MTHFD2L: variants seen among roughly 807,000 people sequenced by gnomAD.
The protein encoded by MTHFD2L is methylenetetrahydrofolate dehydrogenase (NADP+ dependent) 2 like.
Under a neutral mutation model 34.9 loss-of-function variants are expected in MTHFD2L, and 29 were observed. That is an observed-to-expected ratio of 0.83 (90% CI 0.62 to 1.13). MTHFD2L has a LOEUF of 1.13. Among genes scored for constraint, MTHFD2L ranks in the 50% most tolerant of loss-of-function variants. MTHFD2L has a pLI of 0.00. For missense variants in MTHFD2L, 481 were observed against 446.5 expected, an observed-to-expected ratio of 1.08 and a Z score of -0.70; for synonymous variants, 167 against 155.7, an observed-to-expected ratio of 1.07 and a Z score of -0.54.
intron 6 of MTHFD2L, among the ~76,000 whole-genome samples, chr4:74,260,322 A>G (rs1258934999): frequency 6.6e-6 from 1 of 152,120 alleles, no homozygotes; most frequent in Non-Finnish European, 1.5e-5. Context: ...TCCTCCCTGT[A>G]TCCACTCTCA....
chr4:74,160,819 C>T lies in MTHFD2L; in HGVS notation c.143+2538C>T, dbSNP rs141780994. ...TCAGTGTGAGGAGTCTGATAGCAGC[C>T]CATCCCATTTGGGTGGGAAGGTTAT... On this transcript the variant is annotated intron_variant, in intron 1 of 7. Transcript: ENST00000325278. 1.1e-3 allele frequency: 173 copies of T among 152,280 alleles called. 2 individuals are homozygous for T. Among genetic ancestry groups the T allele is most frequent in the African/African-American group, 4.0e-3 (165 of 41,550 alleles). 9.4% of individuals were successfully genotyped at this position (152,280 alleles called of 1,614,324 possible). A position where few individuals can be genotyped will look rare whatever the true frequency, so the allele number is the denominator to read the frequency against.
intron 1 of MTHFD2L, chr4:74,143,455 A>C (rs1030040827): frequency 2.0e-6 from 2 of 985,000 alleles, no homozygotes; most frequent in Non-Finnish European, 2.4e-6. Flanking sequence ...TGAGTTTGGA[A>C]GGGTCCTAGA....
chr4:74,197,950 A>G (rs1242086783), intron 3 of MTHFD2L, among the ~76,000 whole-genome samples: 1 of 152,126 alleles, frequency 6.6e-6, no homozygotes, highest in Non-Finnish European at 1.5e-5. Context: ...TGATAAATGA[A>G]TTGGTTTTCT....
chr4:74,224,661 A>G (rs1340544189), intron 5 of MTHFD2L, among the ~76,000 whole-genome samples: 1 of 152,052 alleles, frequency 6.6e-6, no homozygotes, highest in Non-Finnish European at 1.5e-5. Context: ...TAAGGCTTTC[A>G]TATAAAATCT....
At chr4:74,187,991 A>G (rs1325991411) in intron 3 of MTHFD2L, among the ~76,000 whole-genome samples, 1 of 152,232 alleles carries the variant, frequency 6.6e-6, no homozygotes, top group Non-Finnish European at 1.5e-5. Flanking sequence ...ATGGATAAAT[A>G]AACTGTGATA....
At position 74,179,950 on chromosome 4, in the gene MTHFD2L, C is replaced by A. The variant is rs139267240; in HGVS notation, c.451+4547C>A. Among the ~76,000 whole-genome samples the A allele has an allele frequency of 4.4e-3, 669 of 152,172 alleles. 7 individuals carry two copies. The highest frequency in any genetic ancestry group is 0.016 in the African/African-American group (648 of 41,550). On this transcript the variant is annotated intron_variant, in intron 3 of 7. Transcript: ENST00000325278. Reference sequence around the variant, plus strand: ...TCTCCCAGTCTTCAAAGTCGCCTTGCTGTTACCTAAGTCATACTAATGCTT... The same window carrying A: ...TCTCCCAGTCTTCAAAGTCGCCTTGATGTTACCTAAGTCATACTAATGCTT...
chr4:74,232,437 T>A (rs1345694377), intron 6 of MTHFD2L, among the ~76,000 whole-genome samples: 1 of 152,138 alleles, frequency 6.6e-6, no homozygotes, highest in Admixed American at 6.6e-5. Flanking sequence ...AGTCTCCCTC[T>A]CTCTCTGTTT....
At position 74,129,290 on chromosome 4, in the gene MTHFD2L, C is replaced by A. The variant is rs1293281574; in HGVS notation, c.-297+3773C>A. Among the ~76,000 whole-genome samples the A allele has an allele frequency of 2.0e-5, 3 of 152,186 alleles. No individual in the cohort carries two copies. The East Asian group carries it at 5.8e-4, about 29-fold the overall frequency. ...CTCCACCCAAAATCAACAGAATACACATTCTTCTCAGCCCCACATCATCCT... is the reference window on the plus strand; with the variant it reads ...CTCCACCCAAAATCAACAGAATACAAATTCTTCTCAGCCCCACATCATCCT... On this transcript the variant is annotated intron_variant, in intron 1 of 7. Transcript: ENST00000433372.
chr4:74,284,532 T>G (rs1380403338), intron 7 of MTHFD2L, among the ~76,000 whole-genome samples: 2 of 145,418 alleles, frequency 1.4e-5, no homozygotes, highest in African/African-American at 2.6e-5. Flanking sequence ...GGGTTGTTTG[T>G]TTTTTTTTTT....
chr4:74,260,375 T>C (rs1744529022), intron 6 of MTHFD2L, among the ~76,000 whole-genome samples: 1 of 152,100 alleles, frequency 6.6e-6, no homozygotes. Context: ...GCTGACCTAC[T>C]TGATGGTCTT....
chr4:74,221,370 A>C (rs1411214992), intron 5 of MTHFD2L, among the ~76,000 whole-genome samples: 1 of 151,846 alleles, frequency 6.6e-6, no homozygotes, highest in Non-Finnish European at 1.5e-5. Context: ...AAGTTATTCA[A>C]AAATAAATTA....
chr4:74,282,137 C>T (rs1163318101), intron 7 of MTHFD2L, among the ~76,000 whole-genome samples: 1 of 152,056 alleles, frequency 6.6e-6, no homozygotes, highest in Non-Finnish European at 1.5e-5. Context: ...AAAATTCTAA[C>T]CCAGTCTTCT....
At chr4:74,218,624 C>G (rs1037790800) in intron 5 of MTHFD2L, among the ~76,000 whole-genome samples, 2 of 150,496 alleles carry the variant, frequency 1.3e-5, no homozygotes, top group East Asian at 2.0e-4. Context: ...GCCCCCCCCC[C>G]ACCACCAAAA....
At chr4:74,115,895 T>C (rs1011003168) in intron 2 of MTHFD2L, among the ~76,000 whole-genome samples, 16 of 152,352 alleles carry the variant, frequency 1.1e-4, no homozygotes, top group African/African-American at 3.6e-4. Context: ...GAAATTCTGA[T>C]ATTCTATGAA....
chr4:74,296,811 G>C (rs1749691773), intron 7 of MTHFD2L, among the ~76,000 whole-genome samples: 1 of 152,132 alleles, frequency 6.6e-6, no homozygotes, highest in South Asian at 2.1e-4. Flanking sequence ...AATGCAAATT[G>C]AAAGTCACTC....
intron 6 of MTHFD2L, among the ~76,000 whole-genome samples, chr4:74,270,064 A>G (rs1350500837): frequency 1.3e-5 from 2 of 152,070 alleles, no homozygotes; most frequent in Non-Finnish European, 2.9e-5. Context: ...TCCCTACACA[A>G]TGGGGTTTTT....
intron 2 of MTHFD2L, 147 bp downstream of exon 2, chr4:74,174,837 T>A (rs1465694508): frequency 1.7e-6 from 1 of 596,886 alleles, no homozygotes; most frequent in Non-Finnish European, 2.6e-6. Context: ...CCAAAGCTTA[T>A]GTTAATTTCA....
At chr4:74,176,788 G>A (rs1729133295) in intron 3 of MTHFD2L, among the ~76,000 whole-genome samples, 1 of 151,974 alleles carries the variant, frequency 6.6e-6, no homozygotes. Flanking sequence ...AGGACTGCAG[G>A]TATAGTATAG....
chr4:74,173,365 T>G (rs563627830), intron 1 of MTHFD2L, among the ~76,000 whole-genome samples: 1 of 152,182 alleles, frequency 6.6e-6, no homozygotes, highest in African/African-American at 2.4e-5. Flanking sequence ...GAAATACTTA[T>G]AAACTGCCAG....
Sources: gnomAD v4.1 joint callset for allele counts (sites outside exome capture counted in the v4.1 genomes callset) on GRCh38, gnomAD v4.1.1 for gene constraint, MANE v1.5 for transcripts, NCBI Gene and HGNC (gene_info 2026-07-23, HGNC 2026-07-21) for gene names.